EPHX1: variants seen among roughly 807,000 people sequenced by gnomAD.
The protein encoded by EPHX1 is epoxide hydrolase 1, also known as epoxide hydratase.
In EPHX1, 40 loss-of-function variants were observed where a neutral mutation model predicts 43.2. The observed-to-expected ratio is 0.93, with a 90% CI of 0.72 to 1.21. EPHX1 has a LOEUF of 1.21. Among genes scored for constraint, EPHX1 ranks in the 50% most tolerant of loss-of-function variants. The pLI, the probability that EPHX1 is intolerant of heterozygous loss-of-function variation, is 0.00. For synonymous variants in EPHX1, 221 were observed against 226.7 expected (o/e 0.98, Z 0.22); for missense variants, 550 against 570.4 (o/e 0.96, Z 0.36).
At position 225,823,289 on chromosome 1, in the gene EPHX1, A is replaced by G. The variant is rs36231783; in HGVS notation, c.-5-5436A>G. Among the ~76,000 whole-genome samples the G allele has an allele frequency of 5.9e-3, 895 of 151,966 alleles. 13 individuals carry two copies. The highest frequency in any genetic ancestry group is 0.021 in the African/African-American group (851 of 41,406). ...ACAAGTGATTCACCACCTTGGCCCC[A>G]CGAAGTACTGGGATTACAGTCATGA... On this transcript the variant is annotated intron_variant, in intron 1 of 8. Transcript: ENST00000272167.
rs1227090190 is a variant in EPHX1 at position 225,817,742 on chromosome 1, C to A, written c.-6+7573C>A. On this transcript the variant is annotated intron_variant, in intron 1 of 8. Coordinates refer to ENST00000272167, the MANE Select transcript of EPHX1 (RefSeq NM_001136018.4). The surrounding 1 kb of genome is among the most constrained non-coding windows in gnomAD (Gnocchi z 5.7). ...AAACACAGTCAGAGCCAGGCCTGCC[C>A]AACTGTCGCAGGGCTGGGTCCACCT... Among the ~76,000 whole-genome samples, 1 of 152,238 alleles carries A rather than the reference C, an allele frequency of 6.6e-6. No homozygotes were observed. Among genetic ancestry groups the A allele is most frequent in the African/African-American group, 2.4e-5 (1 of 41,466 alleles).
At chr1:225,844,840 G>A (rs563156454) in intron 8 of EPHX1, among the ~76,000 whole-genome samples, 24 of 152,252 alleles carry the variant, frequency 1.6e-4, no homozygotes, top group East Asian at 5.8e-4. Flanking sequence ...CCTCAGTACC[G>A]CTCCCCAGTC....
chr1:225,825,331 C>A (rs1178529543), intron 1 of EPHX1: 1 of 152,362 alleles, frequency 6.6e-6, no homozygotes, highest in Non-Finnish European at 1.5e-5. Flanking sequence ...GGGCCAGTGC[C>A]TGCAGCCTGC....
intron 3 of EPHX1, chr1:225,832,288 C>G (rs530976260): frequency 2.8e-6 from 1 of 363,548 alleles, no homozygotes; most frequent in Admixed American, 3.8e-5. Context: ...AACTGTAATC[C>G]CAGCACTTTG....
intron 1 of EPHX1, among the ~76,000 whole-genome samples, chr1:225,818,891 C>T (rs1023993554): frequency 6.8e-6 from 1 of 147,042 alleles, no homozygotes; most frequent in Non-Finnish European, 1.5e-5. Flanking sequence ...GAGTTTGAGA[C>T]CAGCCTGGGC....
intron 1 of EPHX1, among the ~76,000 whole-genome samples, chr1:225,816,671 G>A (rs768171804): frequency 1.3e-5 from 2 of 152,320 alleles, no homozygotes; most frequent in African/African-American, 2.4e-5. Context: ...GCCCACCCGC[G>A]TGGCCTTCCC....
intron 3 of EPHX1, among the ~76,000 whole-genome samples, chr1:225,835,983 G>C (rs1576019411): frequency 6.6e-6 from 1 of 152,114 alleles, no homozygotes; most frequent in Non-Finnish European, 1.5e-5. Flanking sequence ...GCCTGTTCTT[G>C]GCCTTGGTCC....
At chr1:225,833,833 C>T (rs967727568) in intron 3 of EPHX1, among the ~76,000 whole-genome samples, 2 of 148,464 alleles carry the variant, frequency 1.3e-5, no homozygotes, top group Non-Finnish European at 3.0e-5. Context: ...CGCCGTGGCT[C>T]ACGCCTGTAA....
At chr1:225,836,266 T>G (rs530203007) in intron 3 of EPHX1, among the ~76,000 whole-genome samples, 42 of 152,250 alleles carry the variant, frequency 2.8e-4, no homozygotes, top group Non-Finnish European at 1.9e-4. Flanking sequence ...TATTTTGTTG[T>G]GTGTAGATAC....
At chr1:225,814,077 A>G (rs958363335) in intron 1 of EPHX1, among the ~76,000 whole-genome samples, 1 of 152,228 alleles carries the variant, frequency 6.6e-6, no homozygotes, top group South Asian at 2.1e-4. Context: ...ACTACTTCAC[A>G]TATCTGAGCT....
chr1:225,814,898 C>T (rs184121199), intron 1 of EPHX1, among the ~76,000 whole-genome samples: 20 of 152,380 alleles, frequency 1.3e-4, no homozygotes, highest in Non-Finnish European at 1.5e-5. Flanking sequence ...AAGAGAAATA[C>T]ATTGGTCCCA....
intron 1 of EPHX1, among the ~76,000 whole-genome samples, chr1:225,814,449 A>G (rs1241397648): frequency 1.3e-5 from 2 of 152,206 alleles, no homozygotes; most frequent in Non-Finnish European, 2.9e-5. Flanking sequence ...TTCCCACCCC[A>G]GTGTCACAGC....
rs761335756 is a variant in EPHX1 at position 225,838,689 on chromosome 1, C to A, written c.400C>A (p.Gln134Lys). The A allele has an allele frequency of 2.4e-5, 39 of 1,614,042 alleles. No homozygotes were observed. In the East Asian group the frequency reaches 3.8e-4, roughly 16 times the overall value. ...DIHFIHVKPP[Q>K]LPAGHTPKPL... ...CCACTTCATCCACGTGAAGCCCCCC[C>A]AGCTGCCCGCAGGCCATACCCCGAA... The change falls in exon 4 of 9, where the codon CAG becomes AAG. Residue 134 changes from glutamine (Q) to lysine (K), a missense_variant. Coordinates refer to ENST00000272167, the MANE Select transcript of EPHX1 (RefSeq NM_001136018.4).
In EPHX1 at chr1:225,815,393, C is replaced by T. The variant is rs1039334092; in HGVS notation, c.-6+5224C>T. Among the ~76,000 whole-genome samples the T allele has an allele frequency of 5.8e-5, 5 of 85,606 alleles. 1 individual carries two copies. Among genetic ancestry groups the T allele is most frequent in the Non-Finnish European group, 1.5e-4 (5 of 33,002 alleles). The allele number at this position is 85,606 out of a possible 152,430, so 56.2% of individuals were successfully genotyped here. Reference sequence around the variant, plus strand: ...TAGCTGGGATTACAGGCGTGCACCACCATGCCCAGCTAATTTTCTTTTTTT... The same window carrying T: ...TAGCTGGGATTACAGGCGTGCACCATCATGCCCAGCTAATTTTCTTTTTTT... On this transcript the variant is annotated intron_variant, in intron 1 of 8. Coordinates refer to ENST00000272167, the MANE Select transcript of EPHX1 (RefSeq NM_001136018.4).
chr1:225,832,501 C>T (rs1489992229), intron 3 of EPHX1, among the ~76,000 whole-genome samples: 1 of 152,256 alleles, frequency 6.6e-6, no homozygotes, highest in African/African-American at 2.4e-5. Flanking sequence ...CGCCACTGCA[C>T]TCCAGCCTGG....
At chr1:225,831,747 C>G (rs749294431) in intron 2 of EPHX1, 32 bp from the exon 3 acceptor site, 14 of 1,610,942 alleles carry the variant, frequency 8.7e-6, no homozygotes, top group East Asian at 2.2e-5. Context: ...CTTCCCATCC[C>G]TCTCAACTTG....
chr1:225,832,242 A>C, intron 3 of EPHX1: 1 of 428,088 alleles, frequency 2.3e-6, no homozygotes, highest in Non-Finnish European at 4.4e-6. Context: ...AAGGATGGAG[A>C]TGAGATTTAG....
Position 225,817,272 on chromosome 1 carries a change from C to A in EPHX1, c.-6+7103C>A, listed in dbSNP as rs1223994079. ...TTTGCCTCCGTCACTCTTGGGCCAG[C>A]CAAGGGAGTGGGGCTGGGAGCTTCA... is the stretch of plus-strand genomic sequence containing the variant. On this transcript the variant is annotated intron_variant, in intron 1 of 8. Coordinates refer to ENST00000272167, the MANE Select transcript of EPHX1 (RefSeq NM_001136018.4). The surrounding 1 kb of genome is among the most constrained non-coding windows in gnomAD (Gnocchi z 5.7). Among the ~76,000 whole-genome samples, 1 of 152,186 alleles carries A rather than the reference C, an allele frequency of 6.6e-6. No homozygotes were observed. Among genetic ancestry groups the A allele is most frequent in the Non-Finnish European group, 1.5e-5 (1 of 68,024 alleles).
chr1:225,810,345 G>A (rs1230177704), intron 1 of EPHX1, 176 bp downstream of exon 1: 2 of 151,954 alleles, frequency 1.3e-5, no homozygotes, highest in African/African-American at 4.8e-5. Context: ...CTCCTGCCCC[G>A]GCCAGGAGAC....
Sources: allele counts gnomAD v4.1 joint callset (sites outside exome capture counted in the v4.1 genomes callset), GRCh38; gene constraint gnomAD v4.1.1; non-coding constraint Gnocchi (gnomAD v3.1); transcripts MANE v1.5; gene names NCBI Gene and HGNC (gene_info 2026-07-23, HGNC 2026-07-21).